The following SHISA9 variants were observed in gnomAD, a reference collection of about 807,000 sequenced individuals.
SHISA9 encodes protein shisa-9.
Under a neutral mutation model 38.0 loss-of-function variants are expected in SHISA9, and 13 were observed. The ratio of observed to expected loss-of-function variants is 0.34; its 90% CI spans 0.22 to 0.54. SHISA9 has a LOEUF of 0.54. Among genes scored for constraint, SHISA9 ranks in the 20% least tolerant of loss-of-function variants. The probability of loss-of-function intolerance (pLI) is 0.91; values close to 1 mark genes in which losing one functional copy is unlikely to be tolerated. For synonymous variants in SHISA9, 275 were observed against 242.0 expected, an observed-to-expected ratio of 1.14 and a Z score of -1.27; for missense variants, 538 against 575.8, an observed-to-expected ratio of 0.93 and a Z score of 0.67.
chr16:13,165,063 G>A (rs1391385862), intron 2 of SHISA9, among the ~76,000 whole-genome samples: 1 of 152,084 alleles, frequency 6.6e-6, no homozygotes, highest in Admixed American at 6.6e-5. Flanking sequence ...CCTTGGTATA[G>A]TTTTCTCCAT....
chr16:13,118,024 A>G (rs983539167), intron 2 of SHISA9, among the ~76,000 whole-genome samples: 2 of 152,018 alleles, frequency 1.3e-5, no homozygotes, highest in Non-Finnish European at 2.9e-5. Context: ...TCTACTAAAA[A>G]TACAAAAACT....
chr16:13,305,996 G>C, the SHISA9 span, among the ~76,000 whole-genome samples: 1 of 152,226 alleles, frequency 6.6e-6, no homozygotes, highest in Non-Finnish European at 1.5e-5. Flanking sequence ...GGGCTAGTAG[G>C]ATGGAAAGAT....
chr16:13,329,282 G>A, the SHISA9 span, among the ~76,000 whole-genome samples: 7 of 152,066 alleles, frequency 4.6e-5, no homozygotes, highest in African/African-American at 1.7e-4. Context: ...CGAGAGAGCT[G>A]TTCTCCTTTC....
At chr16:13,256,216 G>C in the SHISA9 span, among the ~76,000 whole-genome samples, 2 of 152,108 alleles carry the variant, frequency 1.3e-5, no homozygotes, top group Admixed American at 6.5e-5. Context: ...GCCTCGATTA[G>C]GTGCTTCTTC....
chr16:12,973,619 T>G (rs189617665), intron 2 of SHISA9, among the ~76,000 whole-genome samples: 215 of 152,364 alleles, frequency 1.4e-3, no homozygotes, highest in Non-Finnish European at 2.3e-3. Context: ...TAGTTGCTTT[T>G]TTTTAGTGCC....
rs1238987945 is a variant in SHISA9 at position 13,134,751 on chromosome 16, T to A, written c.692-68643T>A. ...CTAAGTTATGTTGCCATAACAAGTATCCTCAAACATCTTGGTGGCTTGAAA... is the reference window on the plus strand; with the variant it reads ...CTAAGTTATGTTGCCATAACAAGTAACCTCAAACATCTTGGTGGCTTGAAA... On this transcript the variant is annotated intron_variant, in intron 2 of 4. Coordinates refer to ENST00000558583, the MANE Select transcript of SHISA9 (RefSeq NM_001145204.3). Among the ~76,000 whole-genome samples, 5 of 152,164 alleles carry A rather than the reference T, an allele frequency of 3.3e-5. No homozygotes were observed. The East Asian group carries it at 5.8e-4, about 18-fold the overall frequency.
chr16:13,359,736 G>C, the SHISA9 span, among the ~76,000 whole-genome samples: 1 of 152,158 alleles, frequency 6.6e-6, no homozygotes, highest in East Asian at 1.9e-4. Context: ...TTTTCTAGCA[G>C]ATGCGGTTGG....
the SHISA9 span, among the ~76,000 whole-genome samples, chr16:13,515,585 TC>T: frequency 6.6e-6 from 1 of 152,174 alleles, no homozygotes; most frequent in African/African-American, 2.4e-5. Flanking sequence ...TCCTTGCCTC[TC>T]AAACAAGTTA....
chr16:13,468,556 T>C, the SHISA9 span, among the ~76,000 whole-genome samples: 1 of 152,256 alleles, frequency 6.6e-6, no homozygotes, highest in Non-Finnish European at 1.5e-5. Flanking sequence ...GTTTCTCTTT[T>C]ATTGGCTTTT....
chr16:13,313,855 C>T, the SHISA9 span, among the ~76,000 whole-genome samples: 73,874 of 152,020 alleles, frequency 0.49, 18,187 homozygotes, highest in Middle Eastern at 0.54. Context: ...TTCTGTATTT[C>T]CCCAATTTTC....
At chr16:12,979,545 A>C (rs1377344787) in intron 2 of SHISA9, among the ~76,000 whole-genome samples, 1 of 152,098 alleles carries the variant, frequency 6.6e-6, no homozygotes, top group Non-Finnish European at 1.5e-5. Flanking sequence ...TTGGTTCGTC[A>C]TTTACTTGTT....
In SHISA9 at chr16:13,166,716, G is replaced by A. The variant is rs1169600452; in HGVS notation, c.692-36678G>A. On this transcript the variant is annotated intron_variant, in intron 2 of 4. Transcript: ENST00000558583. ...GAAGCTGTCAAAAGTGAAGGCAAAGGAAGAATCATGGGATGCGATAGTGGG... is the reference window on the plus strand; with the variant it reads ...GAAGCTGTCAAAAGTGAAGGCAAAGAAAGAATCATGGGATGCGATAGTGGG... 4.6e-5 allele frequency among the ~76,000 whole-genome samples: 7 copies of A among 152,274 alleles called. No individual in the cohort carries two copies. In the East Asian group the frequency reaches 1.4e-3, roughly 29 times the overall value.
Position 13,061,886 on chromosome 16 carries a change from G to T in SHISA9, c.692-141508G>T, listed in dbSNP as rs276630. Among the ~76,000 whole-genome samples the T allele has an allele frequency of 4.2e-4, 64 of 152,140 alleles. 1 individual carries two copies. Among genetic ancestry groups the T allele is most frequent in the African/African-American group, 1.4e-3 (57 of 41,478 alleles). On this transcript the variant is annotated intron_variant, in intron 2 of 4. Transcript: ENST00000558583. ...AAAAGATATAGAGCCATTGAATGGT[G>T]GGGGGAGGAGCATTCTAAGCAGACG...
chr16:13,235,702 C>G lies in SHISA9; in HGVS notation c.*293C>G, dbSNP rs2051377145. The G allele has an allele frequency of 2.6e-6, 1 of 381,528 alleles. No individual in the cohort carries two copies. The highest frequency in any genetic ancestry group is 7.6e-5 in the South Asian group (1 of 13,128). The allele number at this position is 381,528 out of a possible 1,614,324, so 23.6% of individuals were successfully genotyped here. ...GCCCAAGATGGCCAACTCACATGCC[C>G]AAACCGTGGGGCTGAGTTTTCTTTT... On this transcript the variant is annotated 3_prime_UTR_variant, in exon 5 of 5. Coordinates refer to ENST00000558583, the MANE Select transcript of SHISA9 (RefSeq NM_001145204.3).
the SHISA9 span, among the ~76,000 whole-genome samples, chr16:13,398,146 T>G: frequency 6.6e-6 from 1 of 152,162 alleles, no homozygotes; most frequent in Non-Finnish European, 1.5e-5. Context: ...TCTTGGGTTT[T>G]TATATTCACA....
chr16:13,545,553 C>G, the SHISA9 span, among the ~76,000 whole-genome samples: 1 of 152,142 alleles, frequency 6.6e-6, no homozygotes. Context: ...AAAGGCTGGT[C>G]TTGGAAGCAG....
the SHISA9 span, among the ~76,000 whole-genome samples, chr16:13,508,015 C>T: frequency 6.6e-6 from 1 of 152,206 alleles, no homozygotes; most frequent in Non-Finnish European, 1.5e-5. Flanking sequence ...TCCCACTTCT[C>T]CATGGTAACC....
intron 4 of SHISA9, among the ~76,000 whole-genome samples, chr16:13,214,016 A>T (rs1481520442): frequency 2.0e-5 from 3 of 152,182 alleles, no homozygotes; most frequent in Admixed American, 6.5e-5. Context: ...GAGTCATGTG[A>T]CTATTCAGTG....
the SHISA9 span, among the ~76,000 whole-genome samples, chr16:13,375,092 T>C: frequency 1.1e-4 from 16 of 152,330 alleles, no homozygotes; most frequent in African/African-American, 3.8e-4. Context: ...GGTGGGTAGA[T>C]TGTAAAAATT....
Sources: gnomAD v4.1 joint callset for allele counts (sites outside exome capture counted in the v4.1 genomes callset) on GRCh38, gnomAD v4.1.1 for gene constraint, MANE v1.5 for transcripts, NCBI Gene and HGNC (gene_info 2026-07-23, HGNC 2026-07-21) for gene names.